Variants in DENND4C observed in about 807,000 individuals in gnomAD.
DENND4C encodes DENN domain-containing protein 4C.
DENND4C carries 108 observed loss-of-function variants against 203.0 expected under a neutral mutation model. That is an observed-to-expected ratio of 0.53 (90% CI 0.46 to 0.62). The LOEUF is 0.62. Among genes scored for constraint, DENND4C ranks in the 20% least tolerant of loss-of-function variants. DENND4C has a pLI of 0.00. For missense variants in DENND4C, 2,481 were observed against 2,301.2 expected (o/e 1.08, Z -1.60); for synonymous variants, 871 against 792.4 (o/e 1.10, Z -1.67).
Position 19,300,374 on chromosome 9 carries a change from A to G in DENND4C, c.1311+43A>G, listed in dbSNP as rs371732556. 9.7e-6 allele frequency: 14 copies of G among 1,437,864 alleles called. No homozygotes were observed. The African/African-American group carries it at 1.4e-4, about 15-fold the overall frequency. The allele number at this position is 1,437,864 out of a possible 1,614,324, so 89.1% of individuals were successfully genotyped here. On this transcript the variant is annotated intron_variant, in intron 9 of 32. Transcript: ENST00000434457. ...CTTTTAGTACAAAATTACTGACATA[A>G]TTTTTACTCCAAAGGGAAATTTTCT... is the stretch of plus-strand genomic sequence containing the variant.
At chr9:19,319,391 TACATATATATATACAC>T (rs1563799235) in intron 12 of DENND4C, among the ~76,000 whole-genome samples, 2 of 130,448 alleles carry the variant, frequency 1.5e-5, no homozygotes, top group Non-Finnish European at 1.5e-5. Flanking sequence ...CATATATATA[TACATATATATATACAC>T]ACATATATAT....
intron 1 of DENND4C, among the ~76,000 whole-genome samples, chr9:19,274,569 A>G (rs1319177760): frequency 6.6e-6 from 1 of 152,212 alleles, no homozygotes; most frequent in Non-Finnish European, 1.5e-5. Context: ...TGCTGGGATT[A>G]CAGGCGTGAG....
chr9:19,332,563 C>T (rs569174470), intron 17 of DENND4C, among the ~76,000 whole-genome samples: 1 of 148,410 alleles, frequency 6.7e-6, no homozygotes, highest in South Asian at 2.2e-4. Flanking sequence ...TGGGGTCTCA[C>T]CGTGTTGGCC....
At chr9:19,350,479 T>G (rs1188992336) in intron 23 of DENND4C, among the ~76,000 whole-genome samples, 2 of 152,034 alleles carry the variant, frequency 1.3e-5, no homozygotes, top group African/African-American at 4.8e-5. Flanking sequence ...CACATACACC[T>G]GAGGCACACC....
chr9:19,307,169 A>C (rs980373872), intron 10 of DENND4C, among the ~76,000 whole-genome samples: 1 of 151,998 alleles, frequency 6.6e-6, no homozygotes, highest in African/African-American at 2.4e-5. Context: ...AGGCTGAGGC[A>C]GGAGGATCAC....
chr9:19,287,622 C>G (rs914913987), intron 3 of DENND4C, among the ~76,000 whole-genome samples: 6 of 152,208 alleles, frequency 3.9e-5, no homozygotes, highest in African/African-American at 1.4e-4. Context: ...GTTGGAATTA[C>G]AGGCGTGAGC....
At chr9:19,231,573 A>G (rs2131296555) in intron 1 of DENND4C, among the ~76,000 whole-genome samples, 1 of 150,110 alleles carries the variant, frequency 6.7e-6, no homozygotes, top group African/African-American at 2.5e-5. Context: ...TTTCTGCTTG[A>G]TAGACCTTTT....
chr9:19,298,099 C>T lies in DENND4C; in HGVS notation c.1084C>T (p.Gln362Ter). The T allele has an allele frequency of 6.2e-7, 1 of 1,610,414 alleles. No individual in the cohort carries two copies. Among genetic ancestry groups the T allele is most frequent in the Non-Finnish European group, 8.5e-7 (1 of 1,178,168 alleles). Residue 362 changes from glutamine (Q) to a stop codon, truncating the protein, a stop_gained, in exon 7 of 33, where the codon CAA (glutamine) becomes TAA (stop). Coordinates refer to ENST00000434457, the MANE Select transcript of DENND4C (RefSeq NM_001330640.2). LOFTEE classifies it high-confidence loss of function. Reference protein sequence around the residue: ...FMQNIPFPSPQRPRILVQLSV... With the variant: ...FMQNIPFPSP ...GCAAAACATCCCTTTTCCTTCACCACAAAGACCGAGAATCCTTGTCCAGGT... is the reference window on the plus strand; with the variant it reads ...GCAAAACATCCCTTTTCCTTCACCATAAAGACCGAGAATCCTTGTCCAGGT...
At position 19,240,449 on chromosome 9, in the gene DENND4C, C is replaced by T. The variant is rs567544401; in HGVS notation, c.-18+9616C>T. ...CTGGGAGGCTGAAGTGGGTGGATCA[C>T]GAGGTCAGGAGTTCGAGACCAGCCT... On this transcript the variant is annotated intron_variant, in intron 1 of 32. Coordinates refer to ENST00000434457, the MANE Select transcript of DENND4C (RefSeq NM_001330640.2). Among the ~76,000 whole-genome samples the T allele has an allele frequency of 2.0e-5, 3 of 152,090 alleles. No homozygotes were observed. The South Asian group carries it at 6.2e-4, about 32-fold the overall frequency.
At chr9:19,286,143 A>C (rs1420342074) in intron 2 of DENND4C, among the ~76,000 whole-genome samples, 1 of 152,176 alleles carries the variant, frequency 6.6e-6, no homozygotes, top group Non-Finnish European at 1.5e-5. Context: ...GACTTTATTA[A>C]TCTATTTGGG....
At chr9:19,342,055 C>G (rs1039394294) in intron 21 of DENND4C, among the ~76,000 whole-genome samples, 1 of 141,008 alleles carries the variant, frequency 7.1e-6, no homozygotes, top group African/African-American at 2.7e-5. Flanking sequence ...ACCTGGGAAG[C>G]GAAAGTTGCA....
At chr9:19,323,663 A>T (rs1239688372) in intron 12 of DENND4C, among the ~76,000 whole-genome samples, 1 of 152,228 alleles carries the variant, frequency 6.6e-6, no homozygotes, top group African/African-American at 2.4e-5. Context: ...TTTTAAAAAC[A>T]CAATACAGAA....
chr9:19,309,454 G>T (rs972869972), intron 10 of DENND4C, among the ~76,000 whole-genome samples: 2 of 151,860 alleles, frequency 1.3e-5, no homozygotes, highest in Non-Finnish European at 2.9e-5. Flanking sequence ...TGTAGTGGTG[G>T]TTACACAATT....
At chr9:19,344,148 C>G (rs1176687580) in intron 22 of DENND4C, among the ~76,000 whole-genome samples, 2 of 152,180 alleles carry the variant, frequency 1.3e-5, no homozygotes, top group African/African-American at 4.8e-5. Flanking sequence ...AAGATCTTAT[C>G]TAAGACAGCT....
Position 19,334,958 on chromosome 9 carries a change from G to T in DENND4C, c.2461-19G>T. 6.4e-7 allele frequency: 1 copy of T among 1,555,488 alleles called. No homozygotes were observed. Among genetic ancestry groups the T allele is most frequent in the Non-Finnish European group, 8.7e-7 (1 of 1,148,010 alleles). ...GATTAGTATACTAATTACTGACACT[G>T]ATTTTTTTTTTTTGTTAGGTGTGCT... On this transcript the variant is annotated intron_variant, in intron 17 of 32. Coordinates refer to ENST00000434457, the MANE Select transcript of DENND4C (RefSeq NM_001330640.2).
chr9:19,296,634 T>C (rs1488240280), intron 6 of DENND4C, among the ~76,000 whole-genome samples: 2 of 152,252 alleles, frequency 1.3e-5, no homozygotes, highest in African/African-American at 4.8e-5. Context: ...ATTACAGGCA[T>C]GAGCCACCAA....
intron 16 of DENND4C, among the ~76,000 whole-genome samples, chr9:19,331,056 T>TA (rs984247683): frequency 4.0e-4 from 60 of 150,816 alleles, no homozygotes; most frequent in South Asian, 1.3e-3. Context: ...GACTCTGTCT[T>TA]AAAAAAAAAT....
chr9:19,231,343 G>A (rs1236867113), intron 1 of DENND4C, among the ~76,000 whole-genome samples: 1 of 152,160 alleles, frequency 6.6e-6, no homozygotes, highest in Non-Finnish European at 1.5e-5. Flanking sequence ...ACCTGGGCAG[G>A]TGTCTCTGGT....
chr9:19,261,766 A>G (rs1829414665), intron 1 of DENND4C, among the ~76,000 whole-genome samples: 1 of 151,698 alleles, frequency 6.6e-6, no homozygotes. Context: ...TGGCTTTCCA[A>G]CATGCTGGGA....
Sources: gnomAD v4.1 joint callset for allele counts (sites outside exome capture counted in the v4.1 genomes callset) on GRCh38, gnomAD v4.1.1 for gene constraint, MANE v1.5 for transcripts, NCBI Gene and HGNC (gene_info 2026-07-23, HGNC 2026-07-21) for gene names.